The following RFX8 variants were observed in gnomAD, a reference collection of about 807,000 sequenced individuals.
The protein encoded by RFX8 is regulatory factor X8.
RFX8 carries 46 observed loss-of-function variants against 54.6 expected under a neutral mutation model. The observed-to-expected ratio is 0.84, with a 90% CI of 0.67 to 1.08. RFX8 has a LOEUF of 1.08. RFX8 is among the 50% of genes least tolerant of loss of function. The pLI is 0.00. For missense variants in RFX8, 536 were observed against 562.3 expected, an observed-to-expected ratio of 0.95 and a Z score of 0.47; for synonymous variants, 192 against 209.5, an observed-to-expected ratio of 0.92 and a Z score of 0.72.
intron 2 of RFX8, among the ~76,000 whole-genome samples, chr2:101,437,714 C>T (rs765956268): frequency 6.6e-6 from 1 of 152,218 alleles, no homozygotes; most frequent in Non-Finnish European, 1.5e-5. Context: ...TTTACAAAAA[C>T]TGTGGTATAA....
At chr2:101,414,757 G>T in intron 7 of RFX8, 97 bp downstream of exon 7, 2 of 940,454 alleles carry the variant, frequency 2.1e-6, no homozygotes, top group Non-Finnish European at 1.6e-6. Context: ...CCCTCCAGAT[G>T]GACAGAGCAA....
intron 6 of RFX8, among the ~76,000 whole-genome samples, chr2:101,415,964 G>A (rs1320257831): frequency 6.6e-6 from 1 of 152,208 alleles, no homozygotes; most frequent in Non-Finnish European, 1.5e-5. Context: ...AAAATGGCAG[G>A]AATAAGGGCC....
At chr2:101,449,530 G>A (rs1196022429) in intron 2 of RFX8, among the ~76,000 whole-genome samples, 1 of 152,196 alleles carries the variant, frequency 6.6e-6, no homozygotes, top group African/African-American at 2.4e-5. Context: ...GTGACACTTT[G>A]TATAGGTTCT....
At chr2:101,434,775 C>G (rs539811222) in intron 2 of RFX8, 1 of 152,350 alleles carries the variant, frequency 6.6e-6, no homozygotes, top group South Asian at 2.1e-4. Flanking sequence ...TTCCAACCAG[C>G]CTTGAAAACC....
intron 2 of RFX8, among the ~76,000 whole-genome samples, chr2:101,446,545 T>G (rs1688392060): frequency 6.6e-6 from 1 of 152,140 alleles, no homozygotes; most frequent in East Asian, 1.9e-4. Flanking sequence ...CCTTATCTCA[T>G]GACCAGCCGA....
intron 6 of RFX8, among the ~76,000 whole-genome samples, chr2:101,416,095 A>G (rs1686489078): frequency 6.6e-6 from 1 of 150,418 alleles, no homozygotes; most frequent in African/African-American, 2.4e-5. Context: ...ACAGCAGTGG[A>G]GGAGAGTGGG....
chr2:101,449,063 G>C (rs984929781), intron 2 of RFX8, among the ~76,000 whole-genome samples: 9 of 152,238 alleles, frequency 5.9e-5, no homozygotes, highest in Admixed American at 5.9e-4. Flanking sequence ...CCATTAGACA[G>C]AGACAAGAAG....
rs568879341 is a variant in RFX8 at position 101,432,055 on chromosome 2, G to T, written c.73-9583C>A. ...CTTATGGAGAGATGGGGTCATCTAT[G>T]AAAAAGTCCCCATCTCTACCTGGCC... is the stretch of plus-strand genomic sequence containing the variant. On this transcript the variant is annotated intron_variant, in intron 2 of 11. Coordinates refer to ENST00000428343, the MANE Select transcript of RFX8 (RefSeq NM_001145664.2). Among the ~76,000 whole-genome samples the T allele has an allele frequency of 1.5e-3, 224 of 152,236 alleles. 2 individuals are homozygous for T. Among genetic ancestry groups the T allele is most frequent in the Non-Finnish European group, 2.1e-4 (14 of 68,018 alleles).
At chr2:101,402,304 CA>C (rs1383353558) in intron 11 of RFX8, 131 bp downstream of exon 11, 13 of 826,642 alleles carry the variant, frequency 1.6e-5, no homozygotes, top group Non-Finnish European at 2.0e-5. Flanking sequence ...CTGGCAAAAT[CA>C]CCTAGGGTAA....
intron 10 of RFX8, among the ~76,000 whole-genome samples, chr2:101,404,653 C>T (rs1553450188): frequency 1.3e-5 from 2 of 151,982 alleles, no homozygotes; most frequent in Admixed American, 6.5e-5. Context: ...CCTTAAACTC[C>T]CAGGCTCAAG....
intron 1 of RFX8, among the ~76,000 whole-genome samples, chr2:101,470,805 C>A (rs1408888031): frequency 1.3e-5 from 2 of 148,810 alleles, no homozygotes; most frequent in South Asian, 2.1e-4. Context: ...ATGCAAGCTC[C>A]GCCTCCCAGG....
At chr2:101,414,279 T>G (rs1298133356) in intron 7 of RFX8, among the ~76,000 whole-genome samples, 3 of 152,106 alleles carry the variant, frequency 2.0e-5, no homozygotes, top group Admixed American at 1.3e-4. Flanking sequence ...TATTTTTTTA[T>G]TTTTTTGAGA....
chr2:101,427,397 C>G (rs548513352), intron 2 of RFX8, among the ~76,000 whole-genome samples: 1 of 152,122 alleles, frequency 6.6e-6, no homozygotes, highest in South Asian at 2.1e-4. Context: ...GAGAAGGATC[C>G]GGCCTGCCTT....
chr2:101,411,938 C>T (rs1044434582), intron 8 of RFX8, among the ~76,000 whole-genome samples: 22 of 152,188 alleles, frequency 1.4e-4, no homozygotes, highest in Non-Finnish European at 2.1e-4. Context: ...CTGTATCCGT[C>T]AAGTCACGAA....
chr2:101,416,802 A>G (rs1349754983), intron 6 of RFX8, among the ~76,000 whole-genome samples: 2 of 152,158 alleles, frequency 1.3e-5, no homozygotes, highest in Non-Finnish European at 2.9e-5. Flanking sequence ...CAGCTGACAG[A>G]GCAGTTCAGG....
chr2:101,412,927 G>C lies in RFX8; in HGVS notation c.706C>G (p.Pro236Ala). The C allele has an allele frequency of 6.4e-7, 1 of 1,550,542 alleles. No homozygotes were observed. Among genetic ancestry groups the C allele is most frequent in the Non-Finnish European group, 8.7e-7 (1 of 1,146,652 alleles). ...GAAGGAAGATTACATTTCATCTCTG[G>C]GTTGTTCTCCAGTTCATCTGCGCCA... ...RSGADELENNPEMKCLRNLIS... is the reference protein window; with the variant it reads ...RSGADELENNAEMKCLRNLIS... The change falls in exon 8 of 12, where the codon CCA becomes GCA. Residue 236 changes from proline to alanine, a missense_variant. Physicochemically the swap from Pro to Ala is conservative, Grantham distance 27. Transcript: ENST00000428343.
chr2:101,465,882 G>A (rs887897849), intron 2 of RFX8, among the ~76,000 whole-genome samples: 3 of 152,164 alleles, frequency 2.0e-5, no homozygotes, highest in Non-Finnish European at 4.4e-5. Context: ...TAAGGGAAAC[G>A]TCAATAATTG....
At chr2:101,433,597 T>C (rs1226426440) in intron 2 of RFX8, among the ~76,000 whole-genome samples, 1 of 152,270 alleles carries the variant, frequency 6.6e-6, no homozygotes, top group Non-Finnish European at 1.5e-5. Context: ...AACTACAATT[T>C]GCATTTACAT....
At chr2:101,405,558 T>C (rs1392020051) in intron 10 of RFX8, among the ~76,000 whole-genome samples, 1 of 152,176 alleles carries the variant, frequency 6.6e-6, no homozygotes, top group Non-Finnish European at 1.5e-5. Context: ...CTCTCTACCA[T>C]CGCATACAAT....
Sources: gnomAD v4.1 joint callset for allele counts (sites outside exome capture counted in the v4.1 genomes callset) on GRCh38, gnomAD v4.1.1 for gene constraint, MANE v1.5 for transcripts, NCBI Gene and HGNC (gene_info 2026-07-23, HGNC 2026-07-21) for gene names.